Variants in TCF4 observed in about 807,000 individuals in gnomAD.
The protein encoded by TCF4 is SL3-3 enhancer factor 2.
Under a neutral mutation model 82.1 loss-of-function variants are expected in TCF4, and 3 were observed. The ratio of observed to expected loss-of-function variants is 0.04; its 90% CI spans 0.02 to 0.09. The LOEUF (loss-of-function observed/expected upper bound fraction) is 0.09, where lower values mean the gene tolerates loss of function less well. Among genes scored for constraint, TCF4 ranks in the 10% least tolerant of loss-of-function variants. The pLI is 1.00. For synonymous variants in TCF4, 276 were observed against 309.6 expected, an observed-to-expected ratio of 0.89 and a Z score of 1.14; for missense variants, 518 against 852.7, an observed-to-expected ratio of 0.61 and a Z score of 4.89.
chr18:55,280,451 TA>T (rs1204489385), intron 8 of TCF4, among the ~76,000 whole-genome samples: 1 of 152,226 alleles, frequency 6.6e-6, no homozygotes, highest in Non-Finnish European at 1.5e-5. Flanking sequence ...ATGTTTTTTT[TA>T]AACAGGACAG....
intron 11 of TCF4, 115 bp downstream of exon 11, chr18:55,269,716 G>A (rs923194454): frequency 1.5e-5 from 20 of 1,310,140 alleles, no homozygotes; most frequent in Non-Finnish European, 2.2e-5. Flanking sequence ...ATTCTGTCAT[G>A]TGACTAATAT....
intron 16 of TCF4, 129 bp from the exon 17 acceptor site, chr18:55,232,800 G>T (rs1167453468): frequency 8.2e-7 from 1 of 1,226,598 alleles, no homozygotes; most frequent in East Asian, 2.5e-5. Context: ...TTTTCCCCCT[G>T]CTATCTGTTG....
intron 5 of TCF4, among the ~76,000 whole-genome samples, chr18:55,437,177 A>G (rs755517066): frequency 6.6e-6 from 1 of 152,176 alleles, no homozygotes; most frequent in Non-Finnish European, 1.5e-5. Context: ...ACTTCCCTCT[A>G]ATTTGGCTTG....
At chr18:55,445,601 C>T (rs1430586637) in intron 5 of TCF4, among the ~76,000 whole-genome samples, 1 of 152,140 alleles carries the variant, frequency 6.6e-6, no homozygotes, top group East Asian at 1.9e-4. Context: ...GTCCTTCCCA[C>T]AATATGTGGG....
At chr18:55,344,610 T>C (rs1255208251) in intron 8 of TCF4, among the ~76,000 whole-genome samples, 4 of 152,196 alleles carry the variant, frequency 2.6e-5, no homozygotes, top group African/African-American at 9.6e-5. Context: ...ATTGTTTATG[T>C]TAGCAGCTGC....
intron 8 of TCF4, among the ~76,000 whole-genome samples, chr18:55,318,786 T>G (rs1276405951): frequency 6.6e-6 from 1 of 152,150 alleles, no homozygotes; most frequent in East Asian, 1.9e-4. Context: ...AAAATATCAT[T>G]GATTATATTT....
At chr18:55,273,110 G>T (rs982635994) in intron 10 of TCF4, among the ~76,000 whole-genome samples, 1 of 152,060 alleles carries the variant, frequency 6.6e-6, no homozygotes, top group African/African-American at 2.4e-5. Flanking sequence ...TTTTGTGTGG[G>T]TATGTGTAAC....
chr18:55,505,389 T>C (rs1022229404), intron 3 of TCF4, among the ~76,000 whole-genome samples: 49 of 152,144 alleles, frequency 3.2e-4, no homozygotes, highest in Non-Finnish European at 6.0e-4. Flanking sequence ...ACATAATAAT[T>C]ATTATAGCTA....
intron 6 of TCF4, chr18:55,401,590 GA>G (rs903164700): frequency 6.4e-3 from 4,186 of 656,738 alleles, no homozygotes; most frequent in South Asian, 7.6e-3. Context: ...CTTGTGTTTG[GA>G]AAAAAAAAAA....
At chr18:55,382,110 G>A (rs2092006617) in intron 6 of TCF4, among the ~76,000 whole-genome samples, 1 of 152,090 alleles carries the variant, frequency 6.6e-6, no homozygotes, top group South Asian at 2.1e-4. Flanking sequence ...AGGAGTGGAA[G>A]TTACTGAACT....
chr18:55,391,778 T>TA (rs1377813407), intron 6 of TCF4, among the ~76,000 whole-genome samples: 16 of 148,186 alleles, frequency 1.1e-4, no homozygotes, highest in Admixed American at 2.0e-4. Flanking sequence ...ACAAAAATAT[T>TA]AAAAAAAAAC....
intron 2 of TCF4, among the ~76,000 whole-genome samples, chr18:55,599,327 C>G (rs2097694280): frequency 6.6e-6 from 1 of 152,194 alleles, no homozygotes; most frequent in African/African-American, 2.4e-5. Flanking sequence ...TCAATTCTTC[C>G]CTCCCCTCTG....
At chr18:55,529,556 T>A (rs559444214) in intron 3 of TCF4, among the ~76,000 whole-genome samples, 69 of 152,306 alleles carry the variant, frequency 4.5e-4, no homozygotes, top group Non-Finnish European at 8.2e-4. Flanking sequence ...CAATTTTTTT[T>A]AAATAAAAAG....
At chr18:55,626,136 G>GC (rs1340480094) in intron 2 of TCF4, among the ~76,000 whole-genome samples, 13 of 152,204 alleles carry the variant, frequency 8.5e-5, no homozygotes, top group Non-Finnish European at 1.8e-4. Context: ...GGAGAAGGCA[G>GC]CATATTTGGA....
chr18:55,365,740 A>C (rs139577276), intron 6 of TCF4, among the ~76,000 whole-genome samples: 181 of 152,170 alleles, frequency 1.2e-3, no homozygotes, highest in Non-Finnish European at 2.2e-3. Flanking sequence ...TCTCTACTAA[A>C]AATATAAAAA....
At chr18:55,387,042 T>C (rs1468554385) in intron 6 of TCF4, among the ~76,000 whole-genome samples, 2 of 152,206 alleles carry the variant, frequency 1.3e-5, no homozygotes, top group Non-Finnish European at 2.9e-5. Flanking sequence ...GAAGTTATTA[T>C]TAAGAAAAAG....
At chr18:55,635,560 C>A in intron 1 of TCF4, 1 of 995,352 alleles carries the variant, frequency 1.0e-6, no homozygotes, top group Non-Finnish European at 1.4e-6. Context: ...CTCAAGAGGG[C>A]AGGCCAAGTG....
intron 2 of TCF4, among the ~76,000 whole-genome samples, chr18:55,599,341 T>C (rs2147941828): frequency 1.3e-5 from 2 of 152,354 alleles, no homozygotes; most frequent in South Asian, 4.1e-4. Context: ...CCCTCTGAAG[T>C]CTGCTCTGAC....
At chr18:55,567,614 G>A (rs2097420962) in intron 3 of TCF4, among the ~76,000 whole-genome samples, 1 of 152,110 alleles carries the variant, frequency 6.6e-6, no homozygotes, top group Non-Finnish European at 1.5e-5. Context: ...TTGGGAGGCT[G>A]AGGAAGGAGA....
Sources: gnomAD v4.1 joint callset for allele counts (sites outside exome capture counted in the v4.1 genomes callset) on GRCh38, gnomAD v4.1.1 for gene constraint, MANE v1.5 for transcripts, NCBI Gene and HGNC (gene_info 2026-07-23, HGNC 2026-07-21) for gene names.